KCNQ5: variants seen among roughly 807,000 people sequenced by gnomAD.
The protein encoded by KCNQ5 is potassium voltage-gated channel subfamily KQT member 5.
A neutral mutation model predicts 98.2 loss-of-function variants in KCNQ5; 30 were observed. That is an observed-to-expected ratio of 0.31 (90% CI 0.23 to 0.41). The LOEUF is 0.41. Among genes scored for constraint, KCNQ5 ranks in the 10% least tolerant of loss-of-function variants. The pLI is 1.00. For synonymous variants in KCNQ5, 458 were observed against 449.4 expected (o/e 1.02, Z -0.24); for missense variants, 835 against 1,182.5 (o/e 0.71, Z 4.31).
chr6:72,913,982 A>G (rs560606256), intron 1 of KCNQ5, among the ~76,000 whole-genome samples: 3 of 152,322 alleles, frequency 2.0e-5, no homozygotes, highest in South Asian at 2.1e-4. Context: ...GTGTGTCATC[A>G]AAGATAAGGA....
intron 1 of KCNQ5, among the ~76,000 whole-genome samples, chr6:72,869,542 C>T (rs947446550): frequency 2.6e-5 from 4 of 152,140 alleles, no homozygotes; most frequent in Non-Finnish European, 5.9e-5. Context: ...AGTGTCTTTT[C>T]CCCTGTAGGC....
intron 1 of KCNQ5, among the ~76,000 whole-genome samples, chr6:72,813,429 AG>A (rs1223103035): frequency 6.6e-6 from 1 of 152,208 alleles, no homozygotes; most frequent in Non-Finnish European, 1.5e-5. Flanking sequence ...GAGTTTACAA[AG>A]CTTTCCATCA....
rs146961692 is a variant in KCNQ5, at chr6:73,096,671, A to T, written c.919-8586A>T. ...GTATATATTTCTGGGGTAGAAAGTG[A>T]TGCTATGATTTACAAACACAATGTG... On this transcript the variant is annotated intron_variant, in intron 5 of 13. Coordinates refer to ENST00000370398, the MANE Select transcript of KCNQ5 (RefSeq NM_019842.4). Among the ~76,000 whole-genome samples, 269 of 152,332 alleles carry T rather than the reference A, an allele frequency of 1.8e-3. 2 individuals are homozygous for T. The highest frequency in any genetic ancestry group is 6.0e-3 in the African/African-American group (250 of 41,574).
chr6:72,669,540 G>C (rs1766993951), intron 1 of KCNQ5, among the ~76,000 whole-genome samples: 1 of 152,308 alleles, frequency 6.6e-6, no homozygotes, highest in East Asian at 1.9e-4. Flanking sequence ...AAGCAGGAAA[G>C]AGCCTTACCC....
At chr6:72,840,348 A>G (rs1287325602) in intron 1 of KCNQ5, among the ~76,000 whole-genome samples, 1 of 152,162 alleles carries the variant, frequency 6.6e-6, no homozygotes, top group Non-Finnish European at 1.5e-5. Context: ...GGTTTTTCAT[A>G]ATGCTTCTAT....
intron 1 of KCNQ5, among the ~76,000 whole-genome samples, chr6:72,698,648 CTTTTTTTTTTT>C (rs753567095): frequency 3.2e-5 from 3 of 94,014 alleles, no homozygotes; most frequent in African/African-American, 1.1e-4. Flanking sequence ...TCTTCTTCTT[CTTTTTTTTTTT>C]TTTTTTTTTT....
intron 3 of KCNQ5, among the ~76,000 whole-genome samples, chr6:73,061,688 C>T (rs957794839): frequency 1.3e-5 from 2 of 152,116 alleles, no homozygotes; most frequent in African/African-American, 4.8e-5. Flanking sequence ...CCTTAATTTG[C>T]TCTTCATATA....
At chr6:73,100,312 G>A (rs895739404) in intron 5 of KCNQ5, among the ~76,000 whole-genome samples, 3 of 152,134 alleles carry the variant, frequency 2.0e-5, no homozygotes, top group South Asian at 4.1e-4. Flanking sequence ...CCCAAAGTTA[G>A]TAGGAGAAAG....
At chr6:73,036,118 G>A (rs1317197016) in intron 2 of KCNQ5, among the ~76,000 whole-genome samples, 2 of 151,572 alleles carry the variant, frequency 1.3e-5, no homozygotes, top group African/African-American at 4.9e-5. Context: ...CGGGCACGGT[G>A]GCTCACTCCT....
Position 72,684,850 on chromosome 6 carries a change from ATGTG to A in KCNQ5, c.398+62267_398+62270del, listed in dbSNP as rs1278332523. Among the ~76,000 whole-genome samples the A allele has an allele frequency of 4.1e-4, 62 of 151,948 alleles. 1 individual carries two copies. The East Asian group carries it at 0.011, about 28-fold the overall frequency. ...TATGCATTTGTGTCTGTGTGTGTGT[ATGTG>A]TGTATTTCTGTGTGTGTGTATGCGT... On this transcript the variant is annotated intron_variant, in intron 1 of 13. Coordinates refer to ENST00000370398, the MANE Select transcript of KCNQ5 (RefSeq NM_019842.4).
chr6:72,875,379 G>A (rs1007134129), intron 1 of KCNQ5, among the ~76,000 whole-genome samples: 2 of 152,146 alleles, frequency 1.3e-5, no homozygotes, highest in African/African-American at 2.4e-5. Context: ...ATTTTCACAA[G>A]TAAACTTTTC....
intron 5 of KCNQ5, among the ~76,000 whole-genome samples, chr6:73,085,673 C>G (rs571543447): frequency 1.3e-5 from 2 of 152,256 alleles, no homozygotes; most frequent in East Asian, 1.9e-4. Context: ...TATTCTCCCC[C>G]GCAAACCACC....
rs545709544 is a variant in KCNQ5, at chr6:72,925,328, T to C, written c.399-78580T>C. ...TCCAAATCTGTCAACTCAGTAAAGA[T>C]GTTTATAAAAATCAGTCAAAACAGC... On this transcript the variant is annotated intron_variant, in intron 1 of 13. Transcript: ENST00000370398. Among the ~76,000 whole-genome samples, 3 of 152,354 alleles carry C rather than the reference T, an allele frequency of 2.0e-5. No individual in the cohort carries two copies. The East Asian group carries it at 5.8e-4, about 29-fold the overall frequency.
rs542701278 is a variant in KCNQ5 at position 72,756,851 on chromosome 6, C to A, written c.398+134264C>A. 5.9e-5 allele frequency among the ~76,000 whole-genome samples: 9 copies of A among 152,052 alleles called. No individual in the cohort carries two copies. In the East Asian group the frequency reaches 1.7e-3, roughly 29 times the overall value. On this transcript the variant is annotated intron_variant, in intron 1 of 13. Transcript: ENST00000370398. ...TATTTATATATATACAAATGAAATA[C>A]ACATACTTGATCGAAGTAAATGCAT...
At position 72,801,839 on chromosome 6, in the gene KCNQ5, C is replaced by G. The variant is rs891068554; in HGVS notation, c.398+179252C>G. Among the ~76,000 whole-genome samples the G allele has an allele frequency of 2.8e-3, 420 of 151,102 alleles. 1 individual carries two copies. The highest frequency in any genetic ancestry group is 9.6e-3 in the African/African-American group (397 of 41,410). ...CAGGCCTGGTGGTGACAAAATCTCT[C>G]AGCATTTGCTTGTCTGTAAAGTATT... On this transcript the variant is annotated intron_variant, in intron 1 of 13. Coordinates refer to ENST00000370398, the MANE Select transcript of KCNQ5 (RefSeq NM_019842.4).
chr6:72,772,136 A>T (rs1184378002), intron 1 of KCNQ5, among the ~76,000 whole-genome samples: 1 of 152,120 alleles, frequency 6.6e-6, no homozygotes, highest in African/African-American at 2.4e-5. Flanking sequence ...TTTAGCCCTA[A>T]ATTAGCAAAT....
At chr6:72,705,064 C>T (rs1769002158) in intron 1 of KCNQ5, among the ~76,000 whole-genome samples, 1 of 152,100 alleles carries the variant, frequency 6.6e-6, no homozygotes, top group Admixed American at 6.6e-5. Flanking sequence ...TGCCTCTCTG[C>T]CTTTGCTCAA....
chr6:72,975,596 T>C (rs1043110227), intron 1 of KCNQ5, among the ~76,000 whole-genome samples: 5 of 152,222 alleles, frequency 3.3e-5, no homozygotes, highest in African/African-American at 1.2e-4. Flanking sequence ...TCAGAGTTTA[T>C]GGTTATTTCT....
chr6:73,016,465 G>A (rs930078192), intron 2 of KCNQ5, among the ~76,000 whole-genome samples: 1 of 152,010 alleles, frequency 6.6e-6, no homozygotes, highest in Non-Finnish European at 1.5e-5. Context: ...AATAGTTGGT[G>A]GCAAATCATC....
Sources: allele counts gnomAD v4.1 joint callset (sites outside exome capture counted in the v4.1 genomes callset), GRCh38; gene constraint gnomAD v4.1.1; transcripts MANE v1.5; gene names NCBI Gene and HGNC (gene_info 2026-07-23, HGNC 2026-07-21).